The following EBF2 variants were observed in gnomAD, a reference collection of about 807,000 sequenced individuals.
The protein encoded by EBF2 is transcription factor COE2.
Under a neutral mutation model 72.8 loss-of-function variants are expected in EBF2, and 21 were observed. That is an observed-to-expected ratio of 0.29 (90% CI 0.20 to 0.42). EBF2 has a LOEUF of 0.42. Ranked by LOEUF, EBF2 falls within the 10% of genes least tolerant of loss-of-function variation. The pLI is 1.00. For missense variants in EBF2, 637 were observed against 731.2 expected (o/e 0.87, Z 1.49); for synonymous variants, 299 against 274.2 (o/e 1.09, Z -0.89).
In EBF2 at chr8:26,038,690, A is replaced by G. The variant is rs545412391; in HGVS notation, c.482+1338T>C. 3.5e-4 allele frequency among the ~76,000 whole-genome samples: 53 copies of G among 152,318 alleles called. No individual in the cohort carries two copies. In the South Asian group the frequency reaches 0.011, roughly 32 times the overall value. ...AACAAATCTATCAAACGTCCCTGAG[A>G]TATTGGAGTATCTATCTTCTTACTC... On this transcript the variant is annotated intron_variant, in intron 5 of 15. Transcript: ENST00000520164.
intron 6 of EBF2, among the ~76,000 whole-genome samples, chr8:25,981,525 C>G (rs534972171): frequency 1.6e-3 from 246 of 152,226 alleles, no homozygotes; most frequent in Middle Eastern, 3.4e-3. Context: ...CTGTGGAAGG[C>G]CCGATGTGGT....
chr8:25,929,523 A>G (rs1325880238), intron 6 of EBF2, among the ~76,000 whole-genome samples: 9 of 152,022 alleles, frequency 5.9e-5, no homozygotes, highest in Admixed American at 5.9e-4. Flanking sequence ...AGATTTTTTC[A>G]CTATGTGCCT....
intron 5 of EBF2, among the ~76,000 whole-genome samples, chr8:26,037,914 G>A (rs891580703): frequency 1.3e-5 from 2 of 152,154 alleles, no homozygotes; most frequent in Admixed American, 6.5e-5. Flanking sequence ...TAAAGATTAC[G>A]GAACATAAAA....
chr8:25,926,680 C>G (rs192378821), intron 6 of EBF2, among the ~76,000 whole-genome samples: 4 of 152,148 alleles, frequency 2.6e-5, no homozygotes, highest in Non-Finnish European at 5.9e-5. Flanking sequence ...ATAAAAACTC[C>G]CAGAAGCATG....
chr8:25,873,681 T>C (rs961955778), intron 10 of EBF2, among the ~76,000 whole-genome samples: 4 of 152,190 alleles, frequency 2.6e-5, no homozygotes, highest in Non-Finnish European at 5.9e-5. Flanking sequence ...TTAATTACAC[T>C]TTGGTTTCCA....
At chr8:26,019,355 G>A (rs938941466) in intron 6 of EBF2, among the ~76,000 whole-genome samples, 5 of 151,836 alleles carry the variant, frequency 3.3e-5, no homozygotes, top group African/African-American at 1.2e-4. Flanking sequence ...AAGCCTCAAT[G>A]TTAGTTTTCT....
intron 10 of EBF2, among the ~76,000 whole-genome samples, chr8:25,864,375 A>G (rs1241076827): frequency 6.6e-6 from 1 of 152,136 alleles, no homozygotes; most frequent in Non-Finnish European, 1.5e-5. Context: ...TCACTTGTAA[A>G]AATACTTTAT....
chr8:25,921,887 G>A (rs61339925), intron 6 of EBF2, among the ~76,000 whole-genome samples: 21,607 of 152,170 alleles, frequency 0.14, 2,608 homozygotes, highest in African/African-American at 0.33. Flanking sequence ...GAGAACAGGC[G>A]CAGCCCCTGG....
At chr8:25,999,638 CT>C (rs201122059) in intron 6 of EBF2, among the ~76,000 whole-genome samples, 136 of 142,806 alleles carry the variant, frequency 9.5e-4, no homozygotes, top group South Asian at 1.3e-3. Context: ...TGTCTTTCCT[CT>C]TTTTTTTTTT....
chr8:26,036,562 A>G (rs568870133), intron 5 of EBF2, among the ~76,000 whole-genome samples: 1 of 152,082 alleles, frequency 6.6e-6, no homozygotes, highest in African/African-American at 2.4e-5. Context: ...TTTTTTTTAG[A>G]AAAGTTCTCA....
At chr8:25,961,056 G>T (rs1477411428) in intron 6 of EBF2, among the ~76,000 whole-genome samples, 2 of 152,262 alleles carry the variant, frequency 1.3e-5, no homozygotes, top group East Asian at 1.9e-4. Context: ...TATATGTATG[G>T]CACATGGTGG....
chr8:25,852,250 C>G (rs1422080494), intron 14 of EBF2, among the ~76,000 whole-genome samples: 1 of 152,158 alleles, frequency 6.6e-6, no homozygotes, highest in East Asian at 1.9e-4. Context: ...AGGAGTGGGT[C>G]TTATTCATGG....
chr8:25,885,415 A>G (rs1394840241), intron 10 of EBF2, among the ~76,000 whole-genome samples: 1 of 152,146 alleles, frequency 6.6e-6, no homozygotes, highest in Non-Finnish European at 1.5e-5. Flanking sequence ...CTCCTCCCTT[A>G]ACCCTTGGTA....
intron 6 of EBF2, among the ~76,000 whole-genome samples, chr8:25,951,353 G>T (rs1415329704): frequency 6.6e-6 from 1 of 152,120 alleles, no homozygotes; most frequent in East Asian, 1.9e-4. Flanking sequence ...GAGATTACCA[G>T]CTGGGAGAGC....
At chr8:25,864,284 G>T (rs1395355841) in intron 10 of EBF2, among the ~76,000 whole-genome samples, 1 of 152,102 alleles carries the variant, frequency 6.6e-6, no homozygotes, top group Non-Finnish European at 1.5e-5. Flanking sequence ...CACCAGTGAG[G>T]TTGAAGAATT....
chr8:25,915,256 T>C (rs2117127885), intron 6 of EBF2, among the ~76,000 whole-genome samples: 1 of 151,734 alleles, frequency 6.6e-6, no homozygotes, highest in Non-Finnish European at 1.5e-5. Flanking sequence ...AAAATGCTGG[T>C]CTGTTGGGAG....
chr8:26,010,913 G>A (rs1804971084), intron 6 of EBF2, among the ~76,000 whole-genome samples: 1 of 151,938 alleles, frequency 6.6e-6, no homozygotes, highest in Non-Finnish European at 1.5e-5. Flanking sequence ...TTACCTGCCT[G>A]CACTAGAAAA....
chr8:25,915,198 T>C (rs950197101), intron 6 of EBF2, among the ~76,000 whole-genome samples: 1 of 151,348 alleles, frequency 6.6e-6, no homozygotes, highest in Non-Finnish European at 1.5e-5. Flanking sequence ...TCAAAACAGC[T>C]AGTAAGCAGA....
At chr8:25,938,779 C>T (rs973266849) in intron 6 of EBF2, among the ~76,000 whole-genome samples, 1 of 152,034 alleles carries the variant, frequency 6.6e-6, no homozygotes, top group Non-Finnish European at 1.5e-5. Flanking sequence ...GTCACAAGTC[C>T]CTGTGATGTG....
Sources: gnomAD v4.1 joint callset for allele counts (sites outside exome capture counted in the v4.1 genomes callset) on GRCh38, gnomAD v4.1.1 for gene constraint, MANE v1.5 for transcripts, NCBI Gene and HGNC (gene_info 2026-07-23, HGNC 2026-07-21) for gene names.